NEGR1: variants seen among roughly 807,000 people sequenced by gnomAD.
NEGR1 encodes the protein IgLON family member 4.
NEGR1 carries 10 observed loss-of-function variants against 40.9 expected under a neutral mutation model. The ratio of observed to expected loss-of-function variants is 0.24; its 90% confidence interval spans 0.15 to 0.42. The LOEUF is 0.42. Among genes scored for constraint, NEGR1 ranks in the 10% least tolerant of loss-of-function variants. The pLI is 1.00. For synonymous variants in NEGR1, 185 were observed against 166.8 expected, an observed-to-expected ratio of 1.11 and a Z score of -0.84; for missense variants, 352 against 438.9, an observed-to-expected ratio of 0.80 and a Z score of 1.77.
chr1:71,794,132 T>A (rs1657230671), intron 2 of NEGR1: 1 of 152,146 alleles, frequency 6.6e-6, no homozygotes, highest in South Asian at 2.1e-4. Flanking sequence ...TGTAGAATAT[T>A]CAAGAGAAGA....
At chr1:72,023,330 A>G (rs1207018092) in intron 1 of NEGR1, among the ~76,000 whole-genome samples, 1 of 152,176 alleles carries the variant, frequency 6.6e-6, no homozygotes, top group African/African-American at 2.4e-5. Context: ...TTACACAAAT[A>G]AAATTACCTT....
chr1:72,268,619 T>C (rs868719649), intron 1 of NEGR1, among the ~76,000 whole-genome samples: 1 of 151,250 alleles, frequency 6.6e-6, no homozygotes, highest in African/African-American at 2.4e-5. Flanking sequence ...AGATTACCTA[T>C]AGGAAAAACT....
intron 4 of NEGR1, among the ~76,000 whole-genome samples, chr1:71,660,264 G>GTACTTGTAAGTGATA (rs1652012547): frequency 6.6e-6 from 1 of 152,124 alleles, no homozygotes; most frequent in African/African-American, 2.4e-5. Flanking sequence ...TTGTAAGTGA[G>GTACTTGTAAGTGATA]AGCTAAATGA....
intron 5 of NEGR1, among the ~76,000 whole-genome samples, chr1:71,609,514 CAAAAAAAAAAAAAAAAAAA>C (rs61728217): frequency 2.0e-3 from 49 of 24,096 alleles, no homozygotes; most frequent in Non-Finnish European, 2.8e-3. Flanking sequence ...GACTCCGTCT[CAAAAAAAAAAAAAAAAAAA>C]AAAAAAAAAA....
At chr1:71,612,513 T>C (rs1180433176) in intron 4 of NEGR1, among the ~76,000 whole-genome samples, 2 of 152,184 alleles carry the variant, frequency 1.3e-5, no homozygotes, top group East Asian at 1.9e-4. Context: ...GCTTATATTC[T>C]AGATGGGGTA....
chr1:72,079,086 A>AATATATATATATATATATAT lies in NEGR1; in HGVS notation c.177-143795_177-143776dup, dbSNP rs67575298. 5.6e-3 allele frequency among the ~76,000 whole-genome samples: 790 copies of AATATATATATATATATATAT among 142,156 alleles called. 11 individuals carry two copies. Among genetic ancestry groups the AATATATATATATATATATAT allele is most frequent in the East Asian group, 0.034 (152 of 4,422 alleles). The allele number at this position is 142,156 out of a possible 152,430, so 93.3% of individuals were successfully genotyped here. On this transcript the variant is annotated intron_variant, in intron 1 of 6. Coordinates refer to ENST00000357731, the MANE Select transcript of NEGR1 (RefSeq NM_173808.3). Reference sequence around the variant, plus strand: ...ATATGTCAATGGTTACATTTAACAGAATATATATATATATATATATATATA... The same window carrying AATATATATATATATATATAT: ...ATATGTCAATGGTTACATTTAACAGAATATATATATATATATATATATATATATATATATATATATATATA...
intron 1 of NEGR1, among the ~76,000 whole-genome samples, chr1:72,230,252 C>T (rs1357619535): frequency 7.9e-5 from 12 of 152,038 alleles, no homozygotes; most frequent in Admixed American, 6.6e-4. Flanking sequence ...AGTACATTCT[C>T]CTTCCTTAAA....
chr1:71,396,368 A>G lies in NEGR1; in HGVS notation c.*11078T>C, dbSNP rs984122483. On this transcript the variant is annotated 3_prime_UTR_variant, in exon 7 of 7. Coordinates refer to ENST00000357731, the MANE Select transcript of NEGR1 (RefSeq NM_173808.3). ...TCATATTTTATTGTCAAATAAGTGG[A>G]TGGATTAATGAATGAATGAATGCCA... 3.3e-5 allele frequency: 5 copies of G among 152,190 alleles called. No individual in the cohort carries two copies. The highest frequency in any genetic ancestry group is 1.2e-4 in the African/African-American group (5 of 41,436). The allele number at this position is 152,190 out of a possible 1,614,324, so 9.4% of individuals were successfully genotyped here. A position where few individuals can be genotyped will look rare whatever the true frequency, so the allele number is the denominator to read the frequency against.
chr1:71,664,609 T>A (rs898101566), intron 4 of NEGR1, among the ~76,000 whole-genome samples: 2 of 152,108 alleles, frequency 1.3e-5, no homozygotes, highest in African/African-American at 4.8e-5. Context: ...AAATAAATAA[T>A]ATTAAATCAA....
At chr1:71,759,172 C>T (rs1172367177) in intron 3 of NEGR1, among the ~76,000 whole-genome samples, 1 of 151,286 alleles carries the variant, frequency 6.6e-6, no homozygotes, top group Non-Finnish European at 1.5e-5. Flanking sequence ...CTTCCGGATA[C>T]TTATAGTATC....
intron 1 of NEGR1, among the ~76,000 whole-genome samples, chr1:72,049,543 C>A (rs551962212): frequency 2.6e-5 from 4 of 151,654 alleles, no homozygotes; most frequent in Non-Finnish European, 5.9e-5. Flanking sequence ...ATTGTAGCAC[C>A]AAAAGTTGTT....
chr1:71,509,396 G>A (rs1351348476), intron 6 of NEGR1, among the ~76,000 whole-genome samples: 1 of 152,166 alleles, frequency 6.6e-6, no homozygotes, highest in Non-Finnish European at 1.5e-5. Context: ...TAGGCAGGGG[G>A]CAGAGCCCAT....
intron 1 of NEGR1, among the ~76,000 whole-genome samples, chr1:72,149,938 C>G (rs1174716789): frequency 6.9e-6 from 1 of 144,044 alleles, no homozygotes; most frequent in Non-Finnish European, 1.5e-5. Context: ...AAAAAAACAC[C>G]AAGGACAAGT....
At chr1:72,253,388 C>G (rs946388607) in intron 1 of NEGR1, among the ~76,000 whole-genome samples, 1 of 152,140 alleles carries the variant, frequency 6.6e-6, no homozygotes, top group African/African-American at 2.4e-5. Context: ...AATTTCAGAT[C>G]AAATCACAGA....
chr1:72,009,532 A>C (rs1217417722), intron 1 of NEGR1, among the ~76,000 whole-genome samples: 2 of 152,148 alleles, frequency 1.3e-5, no homozygotes, highest in Non-Finnish European at 2.9e-5. Context: ...AGATAAAAAA[A>C]AATACTCTTT....
intron 4 of NEGR1, among the ~76,000 whole-genome samples, chr1:71,670,473 T>C (rs1016051030): frequency 6.6e-6 from 1 of 152,208 alleles, no homozygotes; most frequent in Non-Finnish European, 1.5e-5. Flanking sequence ...TTGTTGTTCT[T>C]GAAACCTTGA....
At chr1:72,151,835 T>C (rs2100356523) in intron 1 of NEGR1, among the ~76,000 whole-genome samples, 1 of 151,960 alleles carries the variant, frequency 6.6e-6, no homozygotes, top group African/African-American at 2.4e-5. Context: ...AATTCATTCA[T>C]AATATATAGT....
intron 1 of NEGR1, among the ~76,000 whole-genome samples, chr1:72,123,200 T>A (rs963545374): frequency 6.6e-6 from 1 of 151,966 alleles, no homozygotes; most frequent in East Asian, 1.9e-4. Flanking sequence ...TTGGCTATAA[T>A]GAAATGATGG....
chr1:71,888,141 T>C (rs889210448), intron 2 of NEGR1, among the ~76,000 whole-genome samples: 1 of 152,152 alleles, frequency 6.6e-6, no homozygotes, highest in Non-Finnish European at 1.5e-5. Flanking sequence ...TGACTCTATT[T>C]TATTTTTTTT....
Sources: gnomAD v4.1 joint callset for allele counts (sites outside exome capture counted in the v4.1 genomes callset) on GRCh38, gnomAD v4.1.1 for gene constraint, MANE v1.5 for transcripts, NCBI Gene and HGNC (gene_info 2026-07-23, HGNC 2026-07-21) for gene names.